SIL1: variants seen among roughly 807,000 people sequenced by gnomAD.
SIL1 encodes nucleotide exchange factor SIL1.
Under a neutral mutation model 49.1 loss-of-function variants are expected in SIL1, and 40 were observed. The observed-to-expected ratio is 0.81, with a 90% CI of 0.63 to 1.06. The LOEUF (loss-of-function observed/expected upper bound fraction) is 1.06, where lower values mean the gene tolerates loss of function less well. Among genes scored for constraint, SIL1 ranks in the 50% least tolerant of loss-of-function variants. The pLI, the probability that SIL1 is intolerant of heterozygous loss-of-function variation, is 0.00. For synonymous variants in SIL1, 253 were observed against 250.8 expected, an observed-to-expected ratio of 1.01 and a Z score of -0.08; for missense variants, 500 against 572.6, an observed-to-expected ratio of 0.87 and a Z score of 1.29.
At chr5:139,035,888 A>G (rs979313268) in intron 5 of SIL1, 1 of 153,730 alleles carries the variant, frequency 6.5e-6, no homozygotes, top group Non-Finnish European at 1.4e-5. Context: ...CTGACCCGTG[A>G]TCCACCCGCC....
chr5:139,066,510 T>A (rs1433912231), intron 3 of SIL1, among the ~76,000 whole-genome samples: 1 of 151,678 alleles, frequency 6.6e-6, no homozygotes, highest in Non-Finnish European at 1.5e-5. Context: ...CATGCAGTTT[T>A]ATACATTATC....
chr5:139,121,842 C>T (rs1233921348), intron 2 of SIL1, among the ~76,000 whole-genome samples: 1 of 152,194 alleles, frequency 6.6e-6, no homozygotes, highest in Non-Finnish European at 1.5e-5. Flanking sequence ...CTGTGTAGAA[C>T]ATAGAGGATT....
chr5:139,051,515 C>G (rs1769283780), intron 3 of SIL1, among the ~76,000 whole-genome samples: 1 of 152,228 alleles, frequency 6.6e-6, no homozygotes, highest in Non-Finnish European at 1.5e-5. Flanking sequence ...AAGCTTACAC[C>G]TCACCACCTG....
rs551924136 is a variant in SIL1 at position 138,956,145 on chromosome 5, A to C, written c.768-4261T>G. On this transcript the variant is annotated intron_variant, in intron 7 of 9. Transcript: ENST00000394817. ...CTTTTCATTCCCTTAGAACAGGAAA[A>C]AACTATTATTTTTCTTCTGAAATGC... Among the ~76,000 whole-genome samples, 4 of 152,326 alleles carry C rather than the reference A, an allele frequency of 2.6e-5. No homozygotes were observed. In the East Asian group the frequency reaches 7.7e-4, roughly 29 times the overall value.
rs1314250793 is a variant in SIL1, at chr5:139,143,344, CATAT to C, written c.-10-15495_-10-15492del. ...ACACACACACACACACACACACACA[CATAT>C]ATATATATATATATATATGGTTTTT... On this transcript the variant is annotated intron_variant, in intron 1 of 9. Coordinates refer to ENST00000394817, the MANE Select transcript of SIL1 (RefSeq NM_022464.5). Among the ~76,000 whole-genome samples the C allele has an allele frequency of 5.1e-4, 50 of 97,498 alleles. 1 individual carries two copies. Among genetic ancestry groups the C allele is most frequent in the African/African-American group, 1.9e-3 (34 of 18,328 alleles). 64.0% of individuals were successfully genotyped at this position (97,498 alleles called of 152,430 possible).
intron 5 of SIL1, among the ~76,000 whole-genome samples, chr5:139,033,705 T>C (rs898872209): frequency 2.6e-5 from 4 of 152,162 alleles, no homozygotes; most frequent in African/African-American, 9.6e-5. Context: ...TTCAGTTCTT[T>C]TAAAACTGTT....
chr5:139,144,764 G>A (rs1436477393), intron 1 of SIL1, among the ~76,000 whole-genome samples: 1 of 152,026 alleles, frequency 6.6e-6, no homozygotes, highest in African/African-American at 2.4e-5. Flanking sequence ...CCAGCTACTC[G>A]GGAGGCTGAA....
chr5:139,030,749 G>C (rs751269770), intron 5 of SIL1, among the ~76,000 whole-genome samples: 2 of 151,966 alleles, frequency 1.3e-5, no homozygotes, highest in Non-Finnish European at 2.9e-5. Flanking sequence ...AGAATCAAGC[G>C]ATCCTCCCAA....
intron 1 of SIL1, among the ~76,000 whole-genome samples, chr5:139,173,462 A>G (rs1201060726): frequency 6.6e-6 from 1 of 152,102 alleles, no homozygotes; most frequent in African/African-American, 2.4e-5. Flanking sequence ...AGGCAAGAGA[A>G]TTGCTTGAAC....
At chr5:138,971,661 A>G (rs1393818844) in intron 7 of SIL1, among the ~76,000 whole-genome samples, 2 of 152,146 alleles carry the variant, frequency 1.3e-5, no homozygotes, top group East Asian at 1.9e-4. Flanking sequence ...ATTCACACCA[A>G]TGGTTTCACA....
chr5:139,081,239 G>C (rs756062087), intron 3 of SIL1, among the ~76,000 whole-genome samples: 1 of 152,118 alleles, frequency 6.6e-6, no homozygotes, highest in African/African-American at 2.4e-5. Context: ...AATTAGATGT[G>C]GCCTGCAATA....
In SIL1 at chr5:139,111,017, G is replaced by T. The variant is rs534900530; in HGVS notation, c.244+10018C>A. Among the ~76,000 whole-genome samples, 21 of 152,342 alleles carry T rather than the reference G, an allele frequency of 1.4e-4. No individual in the cohort carries two copies. The East Asian group carries it at 2.9e-3, about 21-fold the overall frequency. ...CCCAGGGCTCAGATTACTCAAGGAA[G>T]TCAACAAACCTCACCCACCACAGTG... On this transcript the variant is annotated intron_variant, in intron 3 of 9. Transcript: ENST00000394817.
In SIL1 at chr5:139,032,482, G is replaced by A. The variant is rs571532585; in HGVS notation, c.454-5490C>T. On this transcript the variant is annotated intron_variant, in intron 5 of 9. Coordinates refer to ENST00000394817, the MANE Select transcript of SIL1 (RefSeq NM_022464.5). The stretch of plus-strand genomic sequence containing the variant: ...TGGATTTGATTGGCTAAATTTTGGT[G>A]AGGATTTTTGTTTCCATGTTCGTGA... 2.3e-3 allele frequency among the ~76,000 whole-genome samples: 357 copies of A among 152,258 alleles called. 2 individuals are homozygous for A. Among genetic ancestry groups the A allele is most frequent in the African/African-American group, 8.1e-3 (337 of 41,554 alleles).
At chr5:139,158,034 C>T (rs750561959) in intron 1 of SIL1, among the ~76,000 whole-genome samples, 19 of 152,290 alleles carry the variant, frequency 1.2e-4, no homozygotes, top group Admixed American at 2.6e-4. Flanking sequence ...TTATAGCTAA[C>T]ATTTAGAGAG....
intron 1 of SIL1, among the ~76,000 whole-genome samples, chr5:139,195,412 G>A (rs558494757): frequency 2.6e-5 from 4 of 151,600 alleles, no homozygotes; most frequent in South Asian, 4.2e-4. Context: ...GTTTTGAGAC[G>A]GAGTCTCGCT....
chr5:139,080,731 C>T (rs1317520826), intron 3 of SIL1, among the ~76,000 whole-genome samples: 2 of 152,192 alleles, frequency 1.3e-5, no homozygotes, highest in Non-Finnish European at 2.9e-5. Context: ...GAAAAAGCTG[C>T]TTTCTCAGCA....
chr5:139,116,326 C>T (rs1287188858), intron 3 of SIL1, among the ~76,000 whole-genome samples: 1 of 151,666 alleles, frequency 6.6e-6, no homozygotes, highest in Non-Finnish European at 1.5e-5. Flanking sequence ...CTTTTTTTTC[C>T]CCCTCACATG....
At position 139,042,674 on chromosome 5, in the gene SIL1, A is replaced by G. The variant is rs1769072314; in HGVS notation, c.399T>C (p.Ser133=). 6.2e-7 allele frequency: 1 copy of G among 1,613,974 alleles called. No homozygotes were observed. Among genetic ancestry groups the G allele is most frequent in the Non-Finnish European group, 8.5e-7 (1 of 1,180,004 alleles). Reference sequence around the variant, plus strand: ...CCCCCTCCTTGAATTTTGCCAGTGCACTCTTGAGATCCTGAGATGTGTAGG... The same window carrying G: ...CCCCCTCCTTGAATTTTGCCAGTGCGCTCTTGAGATCCTGAGATGTGTAGG... ...TNTYTSQDLK[S]ALAKFKEGAE... is the part of the protein sequence containing the mutation. Residue 133 remains serine, a synonymous_variant, in exon 5 of 10, where the codon AGT becomes AGC. Coordinates refer to ENST00000394817, the MANE Select transcript of SIL1 (RefSeq NM_022464.5).
chr5:138,974,426 A>G (rs1767350995), intron 7 of SIL1, among the ~76,000 whole-genome samples: 1 of 152,210 alleles, frequency 6.6e-6, no homozygotes, highest in Admixed American at 6.5e-5. Context: ...TGAGAACAAC[A>G]GGAGATGACC....
Sources: allele counts gnomAD v4.1 joint callset (sites outside exome capture counted in the v4.1 genomes callset), GRCh38; gene constraint gnomAD v4.1.1; transcripts MANE v1.5; gene names NCBI Gene and HGNC (gene_info 2026-07-23, HGNC 2026-07-21).